Variants in COL5A1 observed in about 807,000 individuals in gnomAD.
The protein encoded by COL5A1 is collagen type V alpha 1 chain.
A neutral mutation model predicts 263.7 loss-of-function variants in COL5A1; 16 were observed. The observed-to-expected ratio is 0.06, with a 90% CI of 0.04 to 0.09. The LOEUF (loss-of-function observed/expected upper bound fraction) is 0.09. Ranked by LOEUF, COL5A1 falls within the 10% of genes least tolerant of loss-of-function variation. The probability of loss-of-function intolerance (pLI) is 1.00; values close to 1 mark genes in which losing one functional copy is unlikely to be tolerated. For missense variants in COL5A1, 2,036 were observed against 2,540.5 expected (o/e 0.80, Z 4.27); for synonymous variants, 1,012 against 1,004.5 (o/e 1.01, Z -0.14).
intron 23 of COL5A1, 54 bp downstream of exon 23, chr9:134,767,107 G>A (rs1564446194): frequency 1.2e-5 from 19 of 1,586,774 alleles, no homozygotes; most frequent in South Asian, 2.2e-5. Flanking sequence ...GGAGGCACAC[G>A]TCTCCAGTCC....
chr9:134,724,854 C>A (rs1025904103), intron 4 of COL5A1, among the ~76,000 whole-genome samples: 5 of 151,956 alleles, frequency 3.3e-5, no homozygotes, highest in African/African-American at 1.2e-4. Context: ...GTGAAGGTTC[C>A]GATGAACCAG....
At chr9:134,710,501 G>GAC (rs1833987658) in intron 4 of COL5A1, among the ~76,000 whole-genome samples, 1 of 147,216 alleles carries the variant, frequency 6.8e-6, no homozygotes, top group African/African-American at 2.5e-5. Flanking sequence ...TGGGGGAGGA[G>GAC]CCCCATTTGT....
intron 28 of COL5A1, among the ~76,000 whole-genome samples, chr9:134,781,268 C>T (rs548098365): frequency 1.1e-4 from 16 of 152,368 alleles, no homozygotes; most frequent in African/African-American, 3.6e-4. Context: ...GTGGGAGGAC[C>T]GGCCAGGAGG....
At chr9:134,766,568 G>GAGT in intron 22 of COL5A1, 70 bp downstream of exon 22, 1 of 1,507,468 alleles carries the variant, frequency 6.6e-7, no homozygotes, top group Non-Finnish European at 9.2e-7. Context: ...GCCTGGCTAG[G>GAGT]GAGGTCCATC....
intron 4 of COL5A1, among the ~76,000 whole-genome samples, chr9:134,712,985 G>A (rs1331285487): frequency 6.6e-6 from 1 of 152,176 alleles, no homozygotes; most frequent in East Asian, 1.9e-4. Flanking sequence ...CTGGAGCCCT[G>A]GACTCTCCAA....
At chr9:134,725,995 A>C (rs1435779650) in intron 4 of COL5A1, among the ~76,000 whole-genome samples, 1 of 152,192 alleles carries the variant, frequency 6.6e-6, no homozygotes, top group Non-Finnish European at 1.5e-5. Flanking sequence ...CATCTGTTTC[A>C]GTTCCGGAGA....
chr9:134,834,690 G>T lies in COL5A1; in HGVS notation c.5137-281G>T, dbSNP rs565814919. Among the ~76,000 whole-genome samples, 7 of 152,298 alleles carry T rather than the reference G, an allele frequency of 4.6e-5. No individual in the cohort carries two copies. In the South Asian group the frequency reaches 1.5e-3, roughly 32 times the overall value. On this transcript the variant is annotated intron_variant, in intron 64 of 65. Transcript: ENST00000371817. ...ATTCTGGGTAGGCTTCCTGGAGGAG[G>T]CAGCACAGGTGCCGAGCCCTGAAGG...
rs578155558 is a variant in COL5A1, at chr9:134,658,110, T to C, written c.109+15814T>C. ...ACGGTGTTCAAAACTGGGTCTTTTC[T>C]CAGCCTCAGTGGGCTGGAGGGGTCC... is the stretch of plus-strand genomic sequence containing the variant. On this transcript the variant is annotated intron_variant, in intron 1 of 65. Coordinates refer to ENST00000371817, the MANE Select transcript of COL5A1 (RefSeq NM_000093.5). Among the ~76,000 whole-genome samples, 356 of 152,142 alleles carry C rather than the reference T, an allele frequency of 2.3e-3. 3 individuals carry two copies. The highest frequency in any genetic ancestry group is 8.3e-3 in the African/African-American group (344 of 41,474).
At chr9:134,781,028 G>C (rs1837231275) in intron 28 of COL5A1, among the ~76,000 whole-genome samples, 1 of 152,268 alleles carries the variant, frequency 6.6e-6, no homozygotes, top group Non-Finnish European at 1.5e-5. Context: ...CGGGGCTGGA[G>C]TGCGGGTGCT....
intron 6 of COL5A1, 108 bp downstream of exon 6, chr9:134,728,915 T>G: frequency 1.4e-6 from 2 of 1,437,302 alleles, no homozygotes; most frequent in South Asian, 2.3e-5. Context: ...GGGGGCTGTC[T>G]GGTGAAGGTT....
chr9:134,798,500 T>A, intron 37 of COL5A1, 39 bp downstream of exon 37: 1 of 1,599,134 alleles, frequency 6.3e-7, no homozygotes, highest in South Asian at 1.1e-5. Flanking sequence ...GCTGGCTGGC[T>A]CTCTGACCAC....
At chr9:134,809,037 G>A (rs1016840377) in intron 42 of COL5A1, 146 bp from the exon 43 acceptor site, 5 of 760,198 alleles carry the variant, frequency 6.6e-6, no homozygotes, top group Non-Finnish European at 1.2e-5. Flanking sequence ...CAGTGGCCCT[G>A]GCTGAAATCC....
intron 1 of COL5A1, among the ~76,000 whole-genome samples, chr9:134,673,250 T>C (rs1364802603): frequency 1.3e-5 from 2 of 152,214 alleles, no homozygotes; most frequent in East Asian, 3.8e-4. Context: ...GCTTATGCTT[T>C]GTGATTTTGA....
rs1836023534 is a variant in COL5A1, at chr9:134,757,494, A to T, written c.1881+676A>T. Among the ~76,000 whole-genome samples, 1 of 152,130 alleles carries T rather than the reference A, an allele frequency of 6.6e-6. No individual in the cohort carries two copies. The highest frequency in any genetic ancestry group is 1.5e-5 in the Non-Finnish European group (1 of 68,024). ...GAGATTGGAGACCGGGCACCAAAAA[A>T]ATGCCAGGGCTCAACTACACCTGTT... On this transcript the variant is annotated intron_variant, in intron 17 of 65. Coordinates refer to ENST00000371817, the MANE Select transcript of COL5A1 (RefSeq NM_000093.5). This position sits in a 1 kb window ranked among gnomAD's most constrained non-coding sequence, Gnocchi z 6.2.
intron 1 of COL5A1, among the ~76,000 whole-genome samples, chr9:134,650,295 A>G (rs1303619492): frequency 1.3e-5 from 2 of 152,194 alleles, no homozygotes; most frequent in Non-Finnish European, 2.9e-5. Flanking sequence ...TGAGCATCGT[A>G]ACCGTCTTCC....
At chr9:134,673,335 C>G (rs1389647499) in intron 1 of COL5A1, among the ~76,000 whole-genome samples, 2 of 151,878 alleles carry the variant, frequency 1.3e-5, no homozygotes, top group African/African-American at 4.8e-5. Context: ...GGAATAGAAT[C>G]AAGTCCAGAA....
intron 26 of COL5A1, among the ~76,000 whole-genome samples, chr9:134,774,493 C>T (rs1210258507): frequency 1.3e-5 from 2 of 152,216 alleles, no homozygotes; most frequent in Admixed American, 1.3e-4. Flanking sequence ...CTGATTTATT[C>T]CAAGGACCTT....
intron 32 of COL5A1, among the ~76,000 whole-genome samples, chr9:134,790,130 G>T (rs952883128): frequency 6.6e-6 from 1 of 152,204 alleles, no homozygotes; most frequent in African/African-American, 2.4e-5. Flanking sequence ...CTACAGGGTT[G>T]CAGCTCCCTC....
Position 134,816,275 on chromosome 9 carries a change from G to A in COL5A1, c.4122+287G>A, listed in dbSNP as rs9942862. ...TCCACGACCCACCATGGGCTCGCCC[G>A]GGAACGTCAGATCTTACCCACAGCT... On this transcript the variant is annotated intron_variant, in intron 52 of 65. Transcript: ENST00000371817. Among the ~76,000 whole-genome samples the A allele has an allele frequency of 0.11, 16,405 of 152,250 alleles. 1,054 individuals carry two copies. The highest frequency in any genetic ancestry group is 0.17 in the African/African-American group (7,265 of 41,548).
Sources: allele counts gnomAD v4.1 joint callset (sites outside exome capture counted in the v4.1 genomes callset), GRCh38; gene constraint gnomAD v4.1.1; non-coding constraint Gnocchi (gnomAD v3.1); transcripts MANE v1.5; gene names NCBI Gene and HGNC (gene_info 2026-07-23, HGNC 2026-07-21).